CDKAL1: variants seen among roughly 807,000 people sequenced by gnomAD.
The protein encoded by CDKAL1 is CDKAL1 threonylcarbamoyladenosine tRNA methylthiotransferase, also known as threonylcarbamoyladenosine tRNA methylthiotransferase.
Under a neutral mutation model 68.2 loss-of-function variants are expected in CDKAL1, and 32 were observed. The observed-to-expected ratio is 0.47, with a 90% CI of 0.35 to 0.63. The LOEUF (loss-of-function observed/expected upper bound fraction) is 0.63, where lower values mean the gene tolerates loss of function less well. Among genes scored for constraint, CDKAL1 ranks in the 30% least tolerant of loss-of-function variants. CDKAL1 has a pLI of 0.00. For missense variants in CDKAL1, 606 were observed against 696.7 expected (o/e 0.87, Z 1.47); for synonymous variants, 234 against 244.3 (o/e 0.96, Z 0.39).
chr6:21,153,117 T>A (rs1413354643), intron 13 of CDKAL1, among the ~76,000 whole-genome samples: 1 of 152,190 alleles, frequency 6.6e-6, no homozygotes, highest in African/African-American at 2.4e-5. Context: ...ATTTAGTAAT[T>A]TGTATATGTC....
intron 9 of CDKAL1, among the ~76,000 whole-genome samples, chr6:20,876,146 T>TG (rs1760502128): frequency 6.6e-6 from 1 of 152,274 alleles, no homozygotes. Flanking sequence ...TACCAGCTGC[T>TG]GCTGGGGTTT....
At chr6:20,638,586 C>G (rs1484881631) in intron 4 of CDKAL1, among the ~76,000 whole-genome samples, 2 of 149,942 alleles carry the variant, frequency 1.3e-5, no homozygotes, top group Non-Finnish European at 3.0e-5. Context: ...CTTTTTTTGA[C>G]TTACAGAAAT....
rs768321729 is a variant in CDKAL1 at position 20,846,170 on chromosome 6, C to T, written c.734C>T (p.Ser245Phe). 6.3e-7 allele frequency: 1 copy of T among 1,591,592 alleles called. No individual in the cohort carries two copies. The highest frequency in any genetic ancestry group is 1.7e-5 in the Admixed American group (1 of 59,296). Residue 245 changes from serine to phenylalanine, a missense_variant, in exon 9 of 16, where the codon TCT becomes TTT. Transcript: ENST00000274695. ...GAACTAGTAGATAGAGCCAAACAAT[C>T]TTTTCAAGGTAAGAGTTTCTAGAAT... The part of the protein sequence containing the change: ...IDELVDRAKQ[S>F]FQEGVCEIWL...
chr6:20,772,625 G>T (rs970407078), intron 7 of CDKAL1, among the ~76,000 whole-genome samples: 1 of 152,130 alleles, frequency 6.6e-6, no homozygotes, highest in African/African-American at 2.4e-5. Flanking sequence ...TTATACCATT[G>T]ATAATGTCCA....
intron 11 of CDKAL1, among the ~76,000 whole-genome samples, chr6:21,060,254 T>A (rs1771072393): frequency 1.3e-5 from 2 of 152,172 alleles, no homozygotes. Flanking sequence ...AGGTTTTTGG[T>A]TTCTTCTTGA....
At chr6:21,172,908 G>C (rs2061441) in intron 13 of CDKAL1, among the ~76,000 whole-genome samples, 15 of 151,664 alleles carry the variant, frequency 9.9e-5, no homozygotes, top group Admixed American at 7.2e-4. Context: ...CAATGACTAC[G>C]CATTTCATTA....
chr6:21,219,011 T>A (rs920370595), intron 15 of CDKAL1, among the ~76,000 whole-genome samples: 12 of 152,178 alleles, frequency 7.9e-5, no homozygotes, highest in African/African-American at 2.9e-4. Flanking sequence ...AAAAACTATA[T>A]TCAAAATAGA....
At chr6:21,004,639 C>A (rs1345852793) in intron 11 of CDKAL1, among the ~76,000 whole-genome samples, 1 of 152,012 alleles carries the variant, frequency 6.6e-6, no homozygotes, top group Non-Finnish European at 1.5e-5. Context: ...CTATATAGAA[C>A]AAAGCAAGCG....
intron 13 of CDKAL1, among the ~76,000 whole-genome samples, chr6:21,160,190 G>A (rs7739596): frequency 0.34 from 51,862 of 152,120 alleles, 9,233 homozygotes; most frequent in African/African-American, 0.44. Flanking sequence ...AGTTTCCGTG[G>A]AAGAATCAAT....
At chr6:20,846,515 G>A (rs911549071) in intron 9 of CDKAL1, among the ~76,000 whole-genome samples, 1 of 152,198 alleles carries the variant, frequency 6.6e-6, no homozygotes, top group African/African-American at 2.4e-5. Context: ...TTGTGGACAA[G>A]TGAAATACTC....
intron 11 of CDKAL1, among the ~76,000 whole-genome samples, chr6:21,040,394 A>G (rs970605549): frequency 3.3e-5 from 5 of 152,074 alleles, no homozygotes; most frequent in Non-Finnish European, 1.5e-5. Flanking sequence ...GTGTGAGACT[A>G]TTTTCTTTGA....
At chr6:21,017,064 T>C (rs1768380116) in intron 11 of CDKAL1, among the ~76,000 whole-genome samples, 1 of 152,260 alleles carries the variant, frequency 6.6e-6, no homozygotes, top group African/African-American at 2.4e-5. Flanking sequence ...CTCACTGATT[T>C]CTTCTACATG....
intron 4 of CDKAL1, among the ~76,000 whole-genome samples, chr6:20,612,603 T>A (rs1314789549): frequency 1.3e-5 from 2 of 152,130 alleles, no homozygotes; most frequent in African/African-American, 4.8e-5. Context: ...ATTAGATTTT[T>A]TTTTTGCTGT....
chr6:21,071,134 C>A (rs1033622996), intron 12 of CDKAL1, among the ~76,000 whole-genome samples: 1 of 152,018 alleles, frequency 6.6e-6, no homozygotes, highest in African/African-American at 2.4e-5. Context: ...TTCATATTTT[C>A]CTTTATAGTT....
intron 12 of CDKAL1, among the ~76,000 whole-genome samples, chr6:21,095,570 C>A (rs1773273812): frequency 1.3e-5 from 2 of 151,574 alleles, no homozygotes; most frequent in Admixed American, 6.6e-5. Context: ...CCTTTCCCCC[C>A]AACCCCCCTC....
At chr6:21,006,646 T>A (rs1157834863) in intron 11 of CDKAL1, among the ~76,000 whole-genome samples, 2 of 152,116 alleles carry the variant, frequency 1.3e-5, no homozygotes, top group Non-Finnish European at 2.9e-5. Flanking sequence ...ACATATTTAC[T>A]TTTTTTTCCT....
intron 8 of CDKAL1, among the ~76,000 whole-genome samples, chr6:20,789,024 A>G (rs1775790237): frequency 6.6e-6 from 1 of 152,244 alleles, no homozygotes; most frequent in Admixed American, 6.5e-5. Context: ...AACCTGGAAT[A>G]TAGTTCGAAT....
intron 8 of CDKAL1, among the ~76,000 whole-genome samples, chr6:20,808,547 A>G (rs1193418658): frequency 5.3e-5 from 8 of 152,110 alleles, no homozygotes; most frequent in Admixed American, 5.2e-4. Context: ...GTTCTTGCAG[A>G]CAAGGAGTTC....
chr6:20,990,059 G>A (rs757306224), intron 10 of CDKAL1, among the ~76,000 whole-genome samples: 1 of 151,944 alleles, frequency 6.6e-6, no homozygotes, highest in Non-Finnish European at 1.5e-5. Context: ...CCTGGCCAAC[G>A]TGGTAAAACC....
Sources: allele counts gnomAD v4.1 joint callset (sites outside exome capture counted in the v4.1 genomes callset), GRCh38; gene constraint gnomAD v4.1.1; transcripts MANE v1.5; gene names NCBI Gene and HGNC (gene_info 2026-07-23, HGNC 2026-07-21).